The following IQSEC1 variants were observed in gnomAD, a reference collection of about 807,000 sequenced individuals.
IQSEC1 encodes the protein IQ motif and Sec7 domain ArfGEF 1, also known as IQ motif and SEC7 domain-containing protein 1.
IQSEC1 carries 31 observed loss-of-function variants against 91.0 expected under a neutral mutation model. The observed-to-expected ratio is 0.34, with a 90% CI of 0.26 to 0.46. IQSEC1 has a LOEUF of 0.46. IQSEC1 is among the 20% of genes least tolerant of loss of function. The pLI is 1.00. For synonymous variants in IQSEC1, 699 were observed against 662.6 expected, an observed-to-expected ratio of 1.05 and a Z score of -0.84; for missense variants, 1,388 against 1,575.6, an observed-to-expected ratio of 0.88 and a Z score of 2.02.
At chr3:13,086,945 CA>C (rs1244223609) in intron 2 of IQSEC1, among the ~76,000 whole-genome samples, 1 of 152,226 alleles carries the variant, frequency 6.6e-6, no homozygotes, top group Non-Finnish European at 1.5e-5. Context: ...TGGCATCCCC[CA>C]GTGCACTGAA....
At chr3:12,937,046 C>T (rs1698269289) in intron 2 of IQSEC1, among the ~76,000 whole-genome samples, 1 of 152,064 alleles carries the variant, frequency 6.6e-6, no homozygotes, top group Admixed American at 6.5e-5. Context: ...GATCCTCCTG[C>T]CTCAACCTCC....
chr3:13,140,716 C>T (rs551063970), intron 2 of IQSEC1, among the ~76,000 whole-genome samples: 99 of 152,316 alleles, frequency 6.5e-4, no homozygotes, highest in African/African-American at 2.3e-3. Flanking sequence ...GACAGATAAG[C>T]CCCATGTTGC....
intron 2 of IQSEC1, among the ~76,000 whole-genome samples, chr3:13,149,726 T>G (rs1426734015): frequency 6.6e-6 from 1 of 151,994 alleles, no homozygotes; most frequent in Non-Finnish European, 1.5e-5. Context: ...CCAACCCCTG[T>G]GTTCCCCTCT....
intron 2 of IQSEC1, among the ~76,000 whole-genome samples, chr3:13,093,479 T>C (rs1705902659): frequency 6.6e-6 from 1 of 152,082 alleles, no homozygotes. Flanking sequence ...CCTCCTGCCA[T>C]GCGCAGACGA....
At chr3:13,033,984 C>T (rs1364519353) in intron 1 of IQSEC1, among the ~76,000 whole-genome samples, 1 of 152,172 alleles carries the variant, frequency 6.6e-6, no homozygotes, top group African/African-American at 2.4e-5. Flanking sequence ...GCCCAATTTC[C>T]TTTTCTTATA....
chr3:13,027,465 C>T (rs900585633), intron 1 of IQSEC1, among the ~76,000 whole-genome samples: 2 of 152,210 alleles, frequency 1.3e-5, no homozygotes, highest in Non-Finnish European at 2.9e-5. Flanking sequence ...GAAAAGAGAC[C>T]GCAAGGGGGC....
intron 2 of IQSEC1, among the ~76,000 whole-genome samples, chr3:13,111,181 C>T (rs2124863703): frequency 6.6e-6 from 1 of 152,340 alleles, no homozygotes; most frequent in South Asian, 2.1e-4. Flanking sequence ...GAGTTCTGTC[C>T]TGACTTACGT....
At chr3:12,957,841 C>T (rs1244888965) in intron 1 of IQSEC1, among the ~76,000 whole-genome samples, 1 of 152,352 alleles carries the variant, frequency 6.6e-6, no homozygotes, top group African/African-American at 2.4e-5. Context: ...TAGAGTGGCA[C>T]GTTTTTACAG....
chr3:13,199,140 G>A (rs766594400), intron 1 of IQSEC1, among the ~76,000 whole-genome samples: 189 of 152,340 alleles, frequency 1.2e-3, no homozygotes, highest in Non-Finnish European at 2.2e-3. Flanking sequence ...ACACAACATG[G>A]CAGTGAAAAA....
upstream of IQSEC1, among the ~76,000 whole-genome samples, chr3:13,076,100 G>A (rs937098017): frequency 2.6e-5 from 4 of 152,168 alleles, no homozygotes; most frequent in Non-Finnish European, 4.4e-5. Context: ...CCTCACTTTC[G>A]CAGTTGTAAC....
intron 2 of IQSEC1, among the ~76,000 whole-genome samples, chr3:13,163,344 G>A (rs1707213722): frequency 6.6e-6 from 1 of 152,126 alleles, no homozygotes; most frequent in Admixed American, 6.5e-5. Context: ...CCTAAGACCT[G>A]GAAGTCCATC....
intron 1 of IQSEC1, among the ~76,000 whole-genome samples, chr3:13,005,566 G>A (rs1702601957): frequency 6.6e-6 from 1 of 152,252 alleles, no homozygotes; most frequent in Non-Finnish European, 1.5e-5. Flanking sequence ...AGCAGGCTGG[G>A]CTGGCTGAGG....
At chr3:13,257,993 G>C (rs762248469) in intron 1 of IQSEC1, among the ~76,000 whole-genome samples, 1 of 152,234 alleles carries the variant, frequency 6.6e-6, no homozygotes, top group African/African-American at 2.4e-5. Context: ...GTGCTAAAAA[G>C]AAATGTGCTA....
At chr3:13,191,626 T>G (rs1694035108) in intron 1 of IQSEC1, among the ~76,000 whole-genome samples, 1 of 152,150 alleles carries the variant, frequency 6.6e-6, no homozygotes, top group African/African-American at 2.4e-5. Flanking sequence ...CAATTACAGT[T>G]TGCATGTGGC....
chr3:12,900,082 A>G lies in IQSEC1; in HGVS notation c.*901T>C, dbSNP rs986762521. The G allele has an allele frequency of 1.0e-6, 1 of 984,578 alleles. No homozygotes were observed. The highest frequency in any genetic ancestry group is 1.2e-6 in the Non-Finnish European group (1 of 829,132). 61.0% of individuals were successfully genotyped at this position (984,578 alleles called of 1,614,324 possible). On this transcript the variant is annotated 3_prime_UTR_variant, in exon 14 of 14. Coordinates refer to ENST00000613206, the MANE Select transcript of IQSEC1 (RefSeq NM_001134382.3). ...ACCAGCTGTCCTGAGTTGCTACTGTAGAGTGTACTGCAGTTTAGCTATTTG... is the reference window on the plus strand; with the variant it reads ...ACCAGCTGTCCTGAGTTGCTACTGTGGAGTGTACTGCAGTTTAGCTATTTG...
chr3:13,076,644 C>G (rs1705566993), upstream of IQSEC1, among the ~76,000 whole-genome samples: 1 of 152,106 alleles, frequency 6.6e-6, no homozygotes, highest in Non-Finnish European at 1.5e-5. Flanking sequence ...AGAAGTGAAC[C>G]CCCCACCCCC....
At chr3:13,116,174 C>G (rs1259710698) in intron 2 of IQSEC1, among the ~76,000 whole-genome samples, 3 of 152,238 alleles carry the variant, frequency 2.0e-5, no homozygotes, top group Non-Finnish European at 4.4e-5. Context: ...CACTCCAGTG[C>G]TGACTAGGTG....
intron 2 of IQSEC1, among the ~76,000 whole-genome samples, chr3:13,087,363 T>C (rs1414666210): frequency 2.6e-5 from 4 of 152,162 alleles, no homozygotes; most frequent in Admixed American, 6.5e-5. Context: ...TGTTGCCTCT[T>C]GGTGCAGGAG....
chr3:13,070,039 C>T (rs940086859), intron 1 of IQSEC1, among the ~76,000 whole-genome samples: 4 of 151,752 alleles, frequency 2.6e-5, no homozygotes, highest in Admixed American at 2.6e-4. Context: ...TGGGTGCACA[C>T]CAGGGGCCCA....
Sources: allele counts gnomAD v4.1 joint callset (sites outside exome capture counted in the v4.1 genomes callset), GRCh38; gene constraint gnomAD v4.1.1; transcripts MANE v1.5; gene names NCBI Gene and HGNC (gene_info 2026-07-23, HGNC 2026-07-21).